The following CNTN6 variants were observed in gnomAD, a reference collection of about 807,000 sequenced individuals.
The protein encoded by CNTN6 is contactin 6, also known as contactin-6.
A neutral mutation model predicts 122.8 loss-of-function variants in CNTN6; 137 were observed. The observed-to-expected ratio is 1.12, with a 90% CI of 0.97 to 1.29. The LOEUF (loss-of-function observed/expected upper bound fraction) is 1.29. Ranked by LOEUF, CNTN6 falls within the 50% of genes most tolerant of loss-of-function variation. The pLI is 0.00. For synonymous variants in CNTN6, 570 were observed against 426.0 expected (o/e 1.34, Z -4.16); for missense variants, 1,634 against 1,223.4 (o/e 1.34, Z -5.01).
intron 2 of CNTN6, among the ~76,000 whole-genome samples, chr3:1,211,584 A>C (rs1199241691): frequency 1.3e-5 from 2 of 152,070 alleles, no homozygotes; most frequent in Non-Finnish European, 2.9e-5. Context: ...AAGATCTAAA[A>C]ATTCAGGGAA....
chr3:1,234,352 G>A (rs551013526), intron 4 of CNTN6, among the ~76,000 whole-genome samples: 5 of 152,100 alleles, frequency 3.3e-5, no homozygotes, highest in African/African-American at 1.2e-4. Flanking sequence ...GTATTTAAAG[G>A]TGATAAATAT....
At chr3:1,141,819 T>C (rs931780037) in intron 1 of CNTN6, among the ~76,000 whole-genome samples, 2 of 152,186 alleles carry the variant, frequency 1.3e-5, no homozygotes, top group Non-Finnish European at 2.9e-5. Context: ...CTCTGTAGCT[T>C]CTAAGTTAGG....
At chr3:1,202,420 G>A (rs1341106094) in intron 2 of CNTN6, among the ~76,000 whole-genome samples, 1 of 151,908 alleles carries the variant, frequency 6.6e-6, no homozygotes, top group African/African-American at 2.4e-5. Context: ...GGCGCCTGTA[G>A]TCCCAGCTAC....
At chr3:1,148,128 G>A in intron 2 of CNTN6, 65 bp downstream of exon 2, 1 of 1,265,612 alleles carries the variant, frequency 7.9e-7, no homozygotes, top group Non-Finnish European at 1.1e-6. Flanking sequence ...TCTTTCTATG[G>A]GTGAAGCAAT....
intron 4 of CNTN6, among the ~76,000 whole-genome samples, chr3:1,242,419 A>G (rs2094498138): frequency 6.6e-6 from 1 of 152,164 alleles, no homozygotes; most frequent in African/African-American, 2.4e-5. Flanking sequence ...CTAATCTGTA[A>G]GACTTGTCCG....
At chr3:1,158,162 G>A (rs2093019535) in intron 2 of CNTN6, among the ~76,000 whole-genome samples, 1 of 152,122 alleles carries the variant, frequency 6.6e-6, no homozygotes, top group African/African-American at 2.4e-5. Flanking sequence ...GTGTATGATG[G>A]TTCCCTTTAC....
chr3:1,291,713 A>G (rs1362645290), intron 5 of CNTN6, among the ~76,000 whole-genome samples: 3 of 152,178 alleles, frequency 2.0e-5, no homozygotes, highest in African/African-American at 7.2e-5. Context: ...GATTTCAAAC[A>G]AAAACCTTTG....
intron 4 of CNTN6, among the ~76,000 whole-genome samples, chr3:1,245,613 A>T (rs1405827348): frequency 6.6e-6 from 1 of 151,066 alleles, no homozygotes; most frequent in African/African-American, 2.4e-5. Context: ...GGTACGCCAA[A>T]ATCTCAGAAA....
At chr3:1,190,358 G>A (rs1432579950) in intron 2 of CNTN6, among the ~76,000 whole-genome samples, 2 of 152,110 alleles carry the variant, frequency 1.3e-5, no homozygotes, top group Admixed American at 6.5e-5. Flanking sequence ...ATAACCATTC[G>A]GTCTATAACG....
intron 1 of CNTN6, among the ~76,000 whole-genome samples, chr3:1,113,887 T>C (rs2125029703): frequency 6.6e-6 from 1 of 152,314 alleles, no homozygotes; most frequent in African/African-American, 2.4e-5. Context: ...AGGAGAATCA[T>C]CTTTCTAAGA....
intron 2 of CNTN6, among the ~76,000 whole-genome samples, chr3:1,160,371 C>CAT (rs1559426370): frequency 4.0e-4 from 40 of 101,050 alleles, no homozygotes; most frequent in Admixed American, 1.3e-3. Context: ...TATATATACA[C>CAT]ACTACCTATA....
chr3:1,194,795 T>C lies in CNTN6; in HGVS notation c.56-25892T>C, dbSNP rs1009698272. Reference sequence around the variant, plus strand: ...CTCCTTGGGGGTGATGTCAACTCCATTGAGAACATGTATCTTATTCCTTTT... The same window carrying C: ...CTCCTTGGGGGTGATGTCAACTCCACTGAGAACATGTATCTTATTCCTTTT... On this transcript the variant is annotated intron_variant, in intron 2 of 22. Transcript: ENST00000446702. Among the ~76,000 whole-genome samples the C allele has an allele frequency of 3.3e-5, 5 of 152,264 alleles. No homozygotes were observed. In the South Asian group the frequency reaches 8.3e-4, roughly 25 times the overall value.
At chr3:1,111,758 A>G (rs1438233262) in intron 1 of CNTN6, among the ~76,000 whole-genome samples, 1 of 152,176 alleles carries the variant, frequency 6.6e-6, no homozygotes, top group East Asian at 1.9e-4. Context: ...ATGTTGTGGT[A>G]AAAAGGAAAT....
At chr3:1,260,221 AAC>A (rs1347267570) in intron 4 of CNTN6, among the ~76,000 whole-genome samples, 2 of 152,086 alleles carry the variant, frequency 1.3e-5, no homozygotes, top group Non-Finnish European at 2.9e-5. Flanking sequence ...ACTTTTCACA[AAC>A]ACAGAATATC....
chr3:1,392,102 A>T, intron 20 of CNTN6, among the ~76,000 whole-genome samples: 1 of 152,246 alleles, frequency 6.6e-6, no homozygotes, highest in Non-Finnish European at 1.5e-5. Context: ...CGCCAAGTCA[A>T]TTCTAAGCCA....
chr3:1,288,621 C>T (rs1292932615), intron 5 of CNTN6, among the ~76,000 whole-genome samples: 1 of 152,186 alleles, frequency 6.6e-6, no homozygotes, highest in African/African-American at 2.4e-5. Flanking sequence ...CCTCAGGAAA[C>T]ATGCTATCAA....
At chr3:1,154,090 G>C (rs1055971874) in intron 2 of CNTN6, among the ~76,000 whole-genome samples, 21 of 152,138 alleles carry the variant, frequency 1.4e-4, no homozygotes, top group African/African-American at 5.1e-4. Flanking sequence ...TTCATGCAAT[G>C]CTTACTGATA....
chr3:1,171,593 G>A (rs1442889689), intron 2 of CNTN6, among the ~76,000 whole-genome samples: 9 of 152,084 alleles, frequency 5.9e-5, no homozygotes, highest in Non-Finnish European at 1.0e-4. Flanking sequence ...AAGTACCTTC[G>A]ATTGAGAACC....
intron 19 of CNTN6, among the ~76,000 whole-genome samples, chr3:1,384,796 TACACACACACACACAC>T (rs1168789647): frequency 2.6e-4 from 35 of 133,796 alleles, no homozygotes; most frequent in South Asian, 9.1e-4. Flanking sequence ...TATATATATA[TACACACACACACACAC>T]ATATATATAT....
Sources: gnomAD v4.1 joint callset for allele counts (sites outside exome capture counted in the v4.1 genomes callset) on GRCh38, gnomAD v4.1.1 for gene constraint, MANE v1.5 for transcripts, NCBI Gene and HGNC (gene_info 2026-07-23, HGNC 2026-07-21) for gene names.